Variants in NTRK2 observed in about 807,000 individuals in gnomAD.
NTRK2 encodes BDNF/NT-3 growth factors receptor.
A neutral mutation model predicts 94.5 loss-of-function variants in NTRK2; 13 were observed. The observed-to-expected ratio is 0.14, with a 90% CI of 0.09 to 0.22. The LOEUF (loss-of-function observed/expected upper bound fraction) is 0.22. NTRK2 is among the 10% of genes least tolerant of loss of function. The pLI, the probability that NTRK2 is intolerant of heterozygous loss-of-function variation, is 1.00. For synonymous variants in NTRK2, 372 were observed against 407.4 expected, an observed-to-expected ratio of 0.91 and a Z score of 1.05; for missense variants, 639 against 1,071.2, an observed-to-expected ratio of 0.60 and a Z score of 5.63.
intron 14 of NTRK2, among the ~76,000 whole-genome samples, chr9:84,925,784 C>T (rs1207008807): frequency 6.6e-6 from 1 of 152,192 alleles, no homozygotes; most frequent in African/African-American, 2.4e-5. Flanking sequence ...GGCTTCCTTG[C>T]TTCCAGTTTT....
chr9:84,688,439 T>C (rs1017250751), intron 2 of NTRK2, among the ~76,000 whole-genome samples: 4 of 152,110 alleles, frequency 2.6e-5, no homozygotes, highest in Non-Finnish European at 4.4e-5. Flanking sequence ...TACACTTCAG[T>C]GCCCCACCCT....
chr9:85,024,378 C>A lies in NTRK2; in HGVS notation c.*2941C>A. On this transcript the variant is annotated 3_prime_UTR_variant, in exon 19 of 19. Coordinates refer to ENST00000277120, the MANE Select transcript of NTRK2 (RefSeq NM_006180.6). ...ACTACAACAGTATAACAGTGACAAA[C>A]CTAATTCTCTAGCCCAAACCTGGTC... The A allele has an allele frequency of 4.3e-6, 1 of 233,072 alleles. No individual in the cohort carries two copies. Among genetic ancestry groups the A allele is most frequent in the African/African-American group, 2.2e-5 (1 of 45,454 alleles). 14.4% of individuals were successfully genotyped at this position (233,072 alleles called of 1,614,324 possible). A position where few individuals can be genotyped will look rare whatever the true frequency, so the allele number is the denominator to read the frequency against.
At chr9:84,816,500 G>A (rs2072407801) in intron 12 of NTRK2, among the ~76,000 whole-genome samples, 5 of 152,068 alleles carry the variant, frequency 3.3e-5, no homozygotes, top group Admixed American at 1.3e-4. Flanking sequence ...CCAGTGTTGG[G>A]CTGGGCGTGG....
rs888072840 is a variant in NTRK2 at position 85,018,935 on chromosome 9, C to A, written c.2173-1271C>A. On this transcript the variant is annotated intron_variant, in intron 17 of 18. Transcript: ENST00000277120. The stretch of plus-strand genomic sequence containing the variant: ...GAATAGTAGAGATGGGTCACCTGAG[C>A]CAGAAGTTTTTGTCCCTATTTGTCA... Among the ~76,000 whole-genome samples, 9 of 152,210 alleles carry A rather than the reference C, an allele frequency of 5.9e-5. No individual in the cohort carries two copies. In the South Asian group the frequency reaches 1.2e-3, roughly 21 times the overall value.
At chr9:84,777,444 T>G (rs1284880053) in intron 12 of NTRK2, among the ~76,000 whole-genome samples, 3 of 152,220 alleles carry the variant, frequency 2.0e-5, no homozygotes, top group Non-Finnish European at 4.4e-5. Flanking sequence ...TTCCCTTTGC[T>G]CTGGGTGTCC....
chr9:84,843,430 GC>G (rs2074296051), intron 12 of NTRK2, among the ~76,000 whole-genome samples: 2 of 152,314 alleles, frequency 1.3e-5, no homozygotes, highest in South Asian at 2.1e-4. Flanking sequence ...GGCTCCCACT[GC>G]CCTTCACTCC....
chr9:84,689,544 G>A (rs2059918259), intron 2 of NTRK2, among the ~76,000 whole-genome samples: 1 of 151,796 alleles, frequency 6.6e-6, no homozygotes, highest in African/African-American at 2.4e-5. Context: ...TCTTTTAACT[G>A]TCCTTTTTAT....
At chr9:85,012,901 A>G (rs1178480267) in intron 17 of NTRK2, among the ~76,000 whole-genome samples, 1 of 152,216 alleles carries the variant, frequency 6.6e-6, no homozygotes, top group Non-Finnish European at 1.5e-5. Flanking sequence ...AAATATTGTT[A>G]GCATTAAGGT....
At chr9:84,709,944 C>T (rs1028735901) in intron 5 of NTRK2, among the ~76,000 whole-genome samples, 2 of 148,824 alleles carry the variant, frequency 1.3e-5, no homozygotes, top group African/African-American at 5.0e-5. Context: ...GTTGCCTTGC[C>T]CTCAGAATAG....
At chr9:84,736,162 A>G (rs544720286) in intron 9 of NTRK2, among the ~76,000 whole-genome samples, 32 of 152,326 alleles carry the variant, frequency 2.1e-4, no homozygotes, top group African/African-American at 7.7e-4. Flanking sequence ...AAAGCTTACC[A>G]TTCTTTAGGC....
chr9:84,912,730 C>G (rs2077276748), intron 14 of NTRK2, among the ~76,000 whole-genome samples: 1 of 150,574 alleles, frequency 6.6e-6, no homozygotes, highest in African/African-American at 2.5e-5. Flanking sequence ...TGCCATTCTC[C>G]TGTCAGCCTC....
At chr9:84,711,346 G>A (rs756753713) in intron 6 of NTRK2, among the ~76,000 whole-genome samples, 18 of 152,242 alleles carry the variant, frequency 1.2e-4, no homozygotes, top group Non-Finnish European at 1.9e-4. Flanking sequence ...CTACTTTACC[G>A]TCATCCCCTA....
At chr9:84,788,995 G>A (rs1564278969) in intron 12 of NTRK2, among the ~76,000 whole-genome samples, 1 of 152,192 alleles carries the variant, frequency 6.6e-6, no homozygotes, top group Non-Finnish European at 1.5e-5. Context: ...TAGCTGGGAA[G>A]GGCATAGAGA....
At chr9:84,945,902 G>A (rs1480292441) in intron 15 of NTRK2, among the ~76,000 whole-genome samples, 2 of 152,092 alleles carry the variant, frequency 1.3e-5, no homozygotes, top group East Asian at 1.9e-4. Flanking sequence ...TATTGATCCC[G>A]AGAGCGTGCC....
chr9:84,771,005 G>A (rs1324641998), intron 12 of NTRK2, among the ~76,000 whole-genome samples: 1 of 152,214 alleles, frequency 6.6e-6, no homozygotes, highest in African/African-American at 2.4e-5. Flanking sequence ...AAAATGAAAG[G>A]AGACTGTCTC....
At chr9:84,696,071 G>A (rs979134504) in intron 2 of NTRK2, among the ~76,000 whole-genome samples, 6 of 152,274 alleles carry the variant, frequency 3.9e-5, no homozygotes, top group South Asian at 2.1e-4. Context: ...TGCAGTTGGC[G>A]CTATCATGGC....
intron 2 of NTRK2, among the ~76,000 whole-genome samples, chr9:84,693,284 GGGCTCT>G (rs1193031377): frequency 2.0e-5 from 3 of 152,064 alleles, no homozygotes; most frequent in African/African-American, 7.2e-5. Context: ...CTTGCATTCA[GGGCTCT>G]GGCAATAAGT....
chr9:84,825,650 A>C, intron 12 of NTRK2, among the ~76,000 whole-genome samples: 1 of 152,240 alleles, frequency 6.6e-6, no homozygotes, highest in East Asian at 1.9e-4. Context: ...AATGACCATA[A>C]CAATGATTAT....
At chr9:84,856,852 T>C (rs1180477589) in intron 12 of NTRK2, among the ~76,000 whole-genome samples, 3 of 152,356 alleles carry the variant, frequency 2.0e-5, no homozygotes, top group Middle Eastern at 3.4e-3. Flanking sequence ...AGAGGAAAGC[T>C]GATTTTCTCT....
Sources: allele counts gnomAD v4.1 joint callset (sites outside exome capture counted in the v4.1 genomes callset), GRCh38; gene constraint gnomAD v4.1.1; transcripts MANE v1.5; gene names NCBI Gene and HGNC (gene_info 2026-07-23, HGNC 2026-07-21).